Variants in AGMO observed in about 807,000 individuals in gnomAD.
AGMO encodes the protein alkylglycerol monooxygenase.
In AGMO, 75 loss-of-function variants were observed where a neutral mutation model predicts 60.2. The ratio of observed to expected loss-of-function variants is 1.25; its 90% CI spans 1.03 to 1.51. The LOEUF is 1.51. AGMO is among the 40% of genes most tolerant of loss of function. The probability of loss-of-function intolerance (pLI) is 0.00; values close to 1 mark genes in which losing one functional copy is unlikely to be tolerated. For synonymous variants in AGMO, 261 were observed against 177.1 expected (o/e 1.47, Z -3.76); for missense variants, 763 against 525.5 (o/e 1.45, Z -4.42).
the AGMO span, among the ~76,000 whole-genome samples, chr7:15,190,073 CCATATATATATATATATATATTTATA>C: frequency 8.2e-6 from 1 of 121,344 alleles, no homozygotes; most frequent in Non-Finnish European, 1.7e-5. Flanking sequence ...TTTTTAAGTG[CCATATATATATATATATATATTTATA>C]TATATATATA....
chr7:15,155,110 G>T, the AGMO span, among the ~76,000 whole-genome samples: 9 of 152,078 alleles, frequency 5.9e-5, no homozygotes, highest in African/African-American at 2.2e-4. Flanking sequence ...TATTGAAAAG[G>T]TTCCCTGAAT....
chr7:15,216,636 T>C lies in AGMO; in HGVS notation c.1264-15277A>G, dbSNP rs573012047. Among the ~76,000 whole-genome samples the C allele has an allele frequency of 9.9e-5, 15 of 152,226 alleles. No individual in the cohort carries two copies. The South Asian group carries it at 3.1e-3, about 32-fold the overall frequency. On this transcript the variant is annotated intron_variant, in intron 12 of 12. Transcript: ENST00000342526. ...AAATTCAATATAATAACAAAACTCATTTGGTCCAATTGCATACTGAATTCA... is the reference window on the plus strand; with the variant it reads ...AAATTCAATATAATAACAAAACTCACTTGGTCCAATTGCATACTGAATTCA...
At chr7:15,136,876 G>C in the AGMO span, among the ~76,000 whole-genome samples, 1 of 152,064 alleles carries the variant, frequency 6.6e-6, no homozygotes, top group African/African-American at 2.4e-5. Flanking sequence ...TTCTAGATGT[G>C]CTATACAGGT....
At chr7:15,273,280 A>T (rs1224869208) in intron 12 of AGMO, among the ~76,000 whole-genome samples, 1 of 152,164 alleles carries the variant, frequency 6.6e-6, no homozygotes. Flanking sequence ...TTAAGTCTTC[A>T]ATCCACCTTG....
chr7:15,196,398 A>G (rs1781115942), downstream of AGMO, among the ~76,000 whole-genome samples: 1 of 152,058 alleles, frequency 6.6e-6, no homozygotes, highest in Non-Finnish European at 1.5e-5. Flanking sequence ...GTGAAACAGA[A>G]AACTTTGGTG....
chr7:15,145,114 C>A, the AGMO span, among the ~76,000 whole-genome samples: 1 of 152,196 alleles, frequency 6.6e-6, no homozygotes, highest in Admixed American at 6.5e-5. Context: ...AGGCGTGAGC[C>A]GCTGCGCCCG....
intron 3 of AGMO, among the ~76,000 whole-genome samples, chr7:15,543,534 G>A (rs1784687731): frequency 6.6e-6 from 1 of 152,128 alleles, no homozygotes; most frequent in Non-Finnish European, 1.5e-5. Flanking sequence ...TAATGTGGAA[G>A]TACTGCCAAC....
At chr7:15,295,341 G>A (rs929132813) in intron 12 of AGMO, among the ~76,000 whole-genome samples, 1 of 151,946 alleles carries the variant, frequency 6.6e-6, no homozygotes. Flanking sequence ...GGTAAGCAAA[G>A]CACTGTTCTA....
At chr7:15,339,144 A>C (rs6950829) in intron 12 of AGMO, among the ~76,000 whole-genome samples, 1 of 151,892 alleles carries the variant, frequency 6.6e-6, no homozygotes. Context: ...CTAACCATGA[A>C]TAAGTCCTAC....
At chr7:15,465,061 C>T (rs1032546806) in intron 3 of AGMO, among the ~76,000 whole-genome samples, 4 of 152,070 alleles carry the variant, frequency 2.6e-5, no homozygotes, top group African/African-American at 9.7e-5. Flanking sequence ...CTATCTTTTA[C>T]TGGAGAAATT....
chr7:15,503,145 T>C (rs1783430073), intron 3 of AGMO, among the ~76,000 whole-genome samples: 2 of 151,976 alleles, frequency 1.3e-5, no homozygotes, highest in Admixed American at 1.3e-4. Flanking sequence ...CTTTCCTCTA[T>C]AACCTACTCC....
At chr7:15,201,484 A>AGGGACATT in intron 12 of AGMO, 125 bp from the exon 13 acceptor site, 1 of 631,228 alleles carries the variant, frequency 1.6e-6, no homozygotes, top group Non-Finnish European at 2.6e-6. Flanking sequence ...AAGTTATTAA[A>AGGGACATT]TTAAATCTAG....
intron 3 of AGMO, among the ~76,000 whole-genome samples, chr7:15,495,843 CTCTCTCTCT>C (rs1783211531): frequency 3.4e-5 from 1 of 29,164 alleles, no homozygotes; most frequent in South Asian, 1.8e-3. Context: ...TCTCTCTCTC[CTCTCTCTCT>C]CCTCTCTCTC....
intron 3 of AGMO, among the ~76,000 whole-genome samples, chr7:15,540,872 T>G (rs1784609239): frequency 6.6e-6 from 1 of 152,298 alleles, no homozygotes; most frequent in South Asian, 2.1e-4. Context: ...ATGTATAAAT[T>G]TTAAGTGTAC....
At chr7:15,469,787 A>T (rs1182203224) in intron 3 of AGMO, among the ~76,000 whole-genome samples, 1 of 152,104 alleles carries the variant, frequency 6.6e-6, no homozygotes, top group Non-Finnish European at 1.5e-5. Flanking sequence ...TCTTAACACA[A>T]GTTAATTTTG....
chr7:15,340,894 G>A (rs181737174), intron 12 of AGMO, among the ~76,000 whole-genome samples: 15 of 152,174 alleles, frequency 9.9e-5, no homozygotes, highest in African/African-American at 2.6e-4. Context: ...TCTCGAGACC[G>A]CAGAATGGTA....
chr7:15,297,845 A>G (rs1179942763), intron 12 of AGMO, among the ~76,000 whole-genome samples: 3 of 152,190 alleles, frequency 2.0e-5, no homozygotes, highest in Non-Finnish European at 2.9e-5. Flanking sequence ...TTGTATAAAG[A>G]ATAAATAATA....
intron 3 of AGMO, among the ~76,000 whole-genome samples, chr7:15,511,193 C>G (rs999575101): frequency 8.6e-5 from 13 of 152,040 alleles, no homozygotes; most frequent in Admixed American, 7.9e-4. Flanking sequence ...AAGGTGCCAT[C>G]CTATCACAGG....
intron 6 of AGMO, among the ~76,000 whole-genome samples, chr7:15,391,366 A>C (rs1303832217): frequency 6.6e-6 from 1 of 152,106 alleles, no homozygotes; most frequent in Non-Finnish European, 1.5e-5. Flanking sequence ...AGACCTGACT[A>C]GTTTTTTTAA....
Sources: gnomAD v4.1 joint callset for allele counts (sites outside exome capture counted in the v4.1 genomes callset) on GRCh38, gnomAD v4.1.1 for gene constraint, MANE v1.5 for transcripts, NCBI Gene and HGNC (gene_info 2026-07-23, HGNC 2026-07-21) for gene names.